The following TMEM131 variants were observed in gnomAD, a reference collection of about 807,000 sequenced individuals.
The protein encoded by TMEM131 is 2610524E03Rik.
A neutral mutation model predicts 211.6 loss-of-function variants in TMEM131; 66 were observed. The ratio of observed to expected loss-of-function variants is 0.31; its 90% CI spans 0.26 to 0.38. TMEM131 has a LOEUF of 0.38. Among genes scored for constraint, TMEM131 ranks in the 10% least tolerant of loss-of-function variants. The probability of loss-of-function intolerance (pLI) is 1.00; values close to 1 mark genes in which losing one functional copy is unlikely to be tolerated. For synonymous variants in TMEM131, 844 were observed against 841.3 expected, an observed-to-expected ratio of 1.00 and a Z score of -0.06; for missense variants, 2,036 against 2,299.3, an observed-to-expected ratio of 0.89 and a Z score of 2.34.
At chr2:97,969,848 C>G (rs1387482269) in intron 1 of TMEM131, among the ~76,000 whole-genome samples, 1 of 152,196 alleles carries the variant, frequency 6.6e-6, no homozygotes, top group African/African-American at 2.4e-5. Context: ...TCTGATGTTA[C>G]TGTAAAAAAT....
intron 3 of TMEM131, among the ~76,000 whole-genome samples, chr2:97,902,050 T>C (rs368888520): frequency 1.9e-4 from 29 of 152,206 alleles, no homozygotes; most frequent in Admixed American, 2.0e-4. Flanking sequence ...TATCAAACTA[T>C]CACATGTACC....
At chr2:97,992,428 A>T (rs1172856532) in intron 1 of TMEM131, among the ~76,000 whole-genome samples, 1 of 152,242 alleles carries the variant, frequency 6.6e-6, no homozygotes, top group Non-Finnish European at 1.5e-5. Flanking sequence ...TTAAAGTCCT[A>T]ATAAAGGCTG....
intron 11 of TMEM131, among the ~76,000 whole-genome samples, chr2:97,830,132 T>TAAAAAAAA (rs60531384): frequency 2.2e-4 from 16 of 72,270 alleles, no homozygotes; most frequent in African/African-American, 6.3e-4. Flanking sequence ...CATTATCAGT[T>TAAAAAAAA]AAAAAAAAAA....
chr2:97,850,198 A>C (rs1461015367), intron 5 of TMEM131, among the ~76,000 whole-genome samples: 1 of 152,096 alleles, frequency 6.6e-6, no homozygotes, highest in African/African-American at 2.4e-5. Context: ...ACCAAGAATG[A>C]GAAAAAGAAA....
At chr2:97,840,459 A>G (rs1051639045) in intron 7 of TMEM131, among the ~76,000 whole-genome samples, 48 of 152,198 alleles carry the variant, frequency 3.2e-4, no homozygotes, top group African/African-American at 1.1e-3. Context: ...GCACAGTGGC[A>G]CATGCCTGTC....
At chr2:97,897,949 C>A (rs1310912711) in intron 3 of TMEM131, among the ~76,000 whole-genome samples, 1 of 152,164 alleles carries the variant, frequency 6.6e-6, no homozygotes, top group East Asian at 1.9e-4. Context: ...TAATTTGTAT[C>A]TTTCAAGTAT....
Position 97,792,603 on chromosome 2 carries a change from T to C in TMEM131, c.3927A>G (p.Pro1309=), listed in dbSNP as rs372386171. The C allele has an allele frequency of 1.9e-5, 30 of 1,612,746 alleles. No individual in the cohort carries two copies. The highest frequency in any genetic ancestry group is 6.7e-5 in the Admixed American group (4 of 59,920). ...GCTGCGGCTCCTGGGGCTGAGGCAC[T>C]GGCGGTGGCAGAGGAGGCTGAGGGT... is the stretch of plus-strand genomic sequence containing the variant. The part of the protein sequence containing the change: ...EQHPQPPLPP[P]VPQPQEPQPE... The change falls in exon 31 of 41, where the codon CCA becomes CCG. Residue 1309 remains proline (P), a synonymous_variant. Coordinates refer to ENST00000186436, the MANE Select transcript of TMEM131 (RefSeq NM_015348.2).
In TMEM131 at chr2:97,939,341, A is replaced by G. The variant is rs897851324; in HGVS notation, c.188-11854T>C. ...TAGACGCAATAAAAAATGATAAAGG[A>G]GATATCACCACCGATCCCACAGAAA... is the stretch of plus-strand genomic sequence containing the variant. On this transcript the variant is annotated intron_variant, in intron 1 of 40. Coordinates refer to ENST00000186436, the MANE Select transcript of TMEM131 (RefSeq NM_015348.2). Among the ~76,000 whole-genome samples the G allele has an allele frequency of 1.6e-4, 25 of 152,256 alleles. No homozygotes were observed. The East Asian group carries it at 4.0e-3, about 25-fold the overall frequency.
At chr2:97,922,776 A>C (rs1676799100) in intron 2 of TMEM131, among the ~76,000 whole-genome samples, 1 of 152,168 alleles carries the variant, frequency 6.6e-6, no homozygotes, top group African/African-American at 2.4e-5. Context: ...GCTTGAGGGG[A>C]AACTTTGGAG....
chr2:97,904,021 A>G (rs1675966302), intron 3 of TMEM131, among the ~76,000 whole-genome samples: 1 of 152,172 alleles, frequency 6.6e-6, no homozygotes, highest in Non-Finnish European at 1.5e-5. Context: ...TCAAAGTTCT[A>G]AGAGAGTAAG....
At chr2:97,884,929 A>G (rs1486206551) in intron 4 of TMEM131, among the ~76,000 whole-genome samples, 1 of 152,202 alleles carries the variant, frequency 6.6e-6, no homozygotes, top group African/African-American at 2.4e-5. Context: ...ATAGGTAAAG[A>G]CTTGTTCCTG....
At chr2:97,887,677 G>T in intron 4 of TMEM131, 1 of 162,676 alleles carries the variant, frequency 6.1e-6, no homozygotes, top group Non-Finnish European at 1.3e-5. Flanking sequence ...ATAAGAGCTT[G>T]TCTATTAAAA....
intron 1 of TMEM131, among the ~76,000 whole-genome samples, chr2:97,942,822 C>T (rs1262634353): frequency 6.6e-6 from 1 of 151,278 alleles, no homozygotes; most frequent in Non-Finnish European, 1.5e-5. Flanking sequence ...TTTTAAAAAG[C>T]ATAAAGAAGG....
intron 1 of TMEM131, among the ~76,000 whole-genome samples, chr2:97,991,104 G>C (rs893880583): frequency 1.3e-5 from 2 of 152,010 alleles, no homozygotes; most frequent in Non-Finnish European, 2.9e-5. Context: ...ACTTCACAAT[G>C]AAATTATATT....
chr2:97,871,063 C>T (rs763843049), intron 4 of TMEM131, among the ~76,000 whole-genome samples: 4 of 152,120 alleles, frequency 2.6e-5, no homozygotes, highest in Admixed American at 1.3e-4. Flanking sequence ...GTCTATTCAA[C>T]GTCCATTTTT....
Position 97,757,213 on chromosome 2 carries a change from G to A in TMEM131, c.5538C>T (p.Ser1846=), listed in dbSNP as rs1267175630. 3 of 1,613,934 alleles carry A rather than the reference G, an allele frequency of 1.9e-6. No homozygotes were observed. The highest frequency in any genetic ancestry group is 3.3e-5 in the Admixed American group (2 of 60,010). Residue 1846 remains serine (S), a synonymous_variant, in exon 41 of 41, where the codon TCC becomes TCT. Transcript: ENST00000186436. ...TCTGTCCCAAGTCGTCAGCTGGACT[G>A]GAGGTGGAGGGAGCGTGAGGAGCAG... ...NSPAPHAPST[S]SPADDLGQTY...
intron 1 of TMEM131, among the ~76,000 whole-genome samples, chr2:97,961,434 G>A (rs1169508559): frequency 6.6e-6 from 1 of 152,096 alleles, no homozygotes; most frequent in Non-Finnish European, 1.5e-5. Flanking sequence ...TCTAAATAAA[G>A]AGATGAATCT....
chr2:97,843,370 C>T (rs1683288022), intron 6 of TMEM131, among the ~76,000 whole-genome samples: 1 of 152,214 alleles, frequency 6.6e-6, no homozygotes, highest in African/African-American at 2.4e-5. Context: ...TGGTCTTGAT[C>T]TGTCACCCAA....
In TMEM131 at chr2:97,793,586, T is replaced by C. The variant is rs763502698; in HGVS notation, c.3387-33A>G. The C allele has an allele frequency of 6.4e-6, 10 of 1,570,790 alleles. 1 individual carries two copies. In the South Asian group the frequency reaches 1.2e-4, roughly 18 times the overall value. On this transcript the variant is annotated intron_variant, in intron 29 of 40. Coordinates refer to ENST00000186436, the MANE Select transcript of TMEM131 (RefSeq NM_015348.2). ...GGTAAAAAAAATTGGAAAATCAGGA[T>C]TCATTTGTTAGTAGACAAGCAACAA...
Sources: gnomAD v4.1 joint callset for allele counts (sites outside exome capture counted in the v4.1 genomes callset) on GRCh38, gnomAD v4.1.1 for gene constraint, MANE v1.5 for transcripts, NCBI Gene and HGNC (gene_info 2026-07-23, HGNC 2026-07-21) for gene names.